KCTD16: variants seen among roughly 807,000 people sequenced by gnomAD.
KCTD16 encodes potassium channel tetramerization domain containing 16, also known as BTB/POZ domain-containing protein KCTD16.
Under a neutral mutation model 33.2 loss-of-function variants are expected in KCTD16, and 13 were observed. That is an observed-to-expected ratio of 0.39 (90% CI 0.25 to 0.62). The LOEUF (loss-of-function observed/expected upper bound fraction) is 0.62. Ranked by LOEUF, KCTD16 falls within the 20% of genes least tolerant of loss-of-function variation. The pLI is 0.50. For missense variants in KCTD16, 441 were observed against 525.1 expected (o/e 0.84, Z 1.57); for synonymous variants, 197 against 195.3 (o/e 1.01, Z -0.07).
intron 3 of KCTD16, among the ~76,000 whole-genome samples, chr5:144,428,527 C>T (rs981336481): frequency 2.0e-5 from 3 of 152,186 alleles, no homozygotes; most frequent in Non-Finnish European, 2.9e-5. Context: ...CAGGGTGTTG[C>T]AGGAACCATG....
chr5:144,201,069 C>G (rs1753035798), intron 2 of KCTD16, among the ~76,000 whole-genome samples: 1 of 152,116 alleles, frequency 6.6e-6, no homozygotes, highest in South Asian at 2.1e-4. Context: ...ATTTTTTCCC[C>G]CATTGGTAGG....
chr5:144,201,518 G>A (rs1753044925), intron 2 of KCTD16, among the ~76,000 whole-genome samples: 2 of 152,170 alleles, frequency 1.3e-5, no homozygotes, highest in South Asian at 2.1e-4. Flanking sequence ...TAAACCACTA[G>A]CATGAACACT....
At chr5:144,382,621 T>C (rs187900444) in intron 3 of KCTD16, among the ~76,000 whole-genome samples, 2 of 152,300 alleles carry the variant, frequency 1.3e-5, no homozygotes, top group Admixed American at 1.3e-4. Context: ...TGGAAATTTG[T>C]TTTATTCATA....
Position 144,388,065 on chromosome 5 carries a change from G to GTTTTTTTTTTTTTTT in KCTD16, c.833-85579_833-85565dup, listed in dbSNP as rs397999492. 4.6e-4 allele frequency among the ~76,000 whole-genome samples: 34 copies of GTTTTTTTTTTTTTTT among 73,662 alleles called. 5 individuals are homozygous for GTTTTTTTTTTTTTTT. The highest frequency in any genetic ancestry group is 2.0e-3 in the African/African-American group (32 of 16,102). 48.3% of individuals were successfully genotyped at this position (73,662 alleles called of 152,430 possible). A position where few individuals can be genotyped will look rare whatever the true frequency, so the allele number is the denominator to read the frequency against. ...AATCCAGAGTTCAATTTTAGAGCAAGTTTTTTTTTTTTTTTTTTTTTTTTT... is the reference window on the plus strand; with the variant it reads ...AATCCAGAGTTCAATTTTAGAGCAAGTTTTTTTTTTTTTTTTTTTTTTTTTTTTTTTTTTTTTTTT... On this transcript the variant is annotated intron_variant, in intron 3 of 3. Coordinates refer to ENST00000512467, the MANE Select transcript of KCTD16 (RefSeq NM_020768.4).
intron 3 of KCTD16, among the ~76,000 whole-genome samples, chr5:144,314,194 A>G (rs1751844639): frequency 6.6e-6 from 1 of 152,214 alleles, no homozygotes; most frequent in Non-Finnish European, 1.5e-5. Flanking sequence ...GCACGAGATC[A>G]ATACAAATAT....
chr5:144,266,782 A>T (rs1162385331), intron 3 of KCTD16, among the ~76,000 whole-genome samples: 12 of 149,598 alleles, frequency 8.0e-5, no homozygotes, highest in Admixed American at 6.7e-4. Flanking sequence ...CAAGATTTCT[A>T]TTTTTTTTTT....
At chr5:144,191,493 A>G (rs1752841311) in intron 2 of KCTD16, among the ~76,000 whole-genome samples, 1 of 152,000 alleles carries the variant, frequency 6.6e-6, no homozygotes, top group Non-Finnish European at 1.5e-5. Context: ...TTTCCCTTCT[A>G]CATAGAACCT....
chr5:144,441,246 G>A (rs1009041351), intron 3 of KCTD16, among the ~76,000 whole-genome samples: 3 of 151,962 alleles, frequency 2.0e-5, no homozygotes, highest in Non-Finnish European at 4.4e-5. Context: ...ATCATTTGCA[G>A]CACAAAGTTG....
At chr5:144,463,448 C>G (rs558011800) in intron 3 of KCTD16, among the ~76,000 whole-genome samples, 59 of 131,174 alleles carry the variant, frequency 4.5e-4, no homozygotes, top group Middle Eastern at 3.8e-3. Flanking sequence ...ATTTTCTAGG[C>G]ACTGTCATCA....
chr5:144,438,873 T>TAAGCCAAA (rs1753637601), intron 3 of KCTD16, among the ~76,000 whole-genome samples: 1 of 152,202 alleles, frequency 6.6e-6, no homozygotes. Context: ...CATGTTGATC[T>TAAGCCAAA]AAGCCAAAAA....
intron 3 of KCTD16, among the ~76,000 whole-genome samples, chr5:144,460,131 C>T (rs999656220): frequency 2.6e-5 from 4 of 152,130 alleles, no homozygotes; most frequent in African/African-American, 9.7e-5. Context: ...CGCACCCGGC[C>T]TCCAATCTTA....
At chr5:144,185,125 A>G (rs1375782960) in intron 2 of KCTD16, among the ~76,000 whole-genome samples, 1 of 152,232 alleles carries the variant, frequency 6.6e-6, no homozygotes, top group Non-Finnish European at 1.5e-5. Flanking sequence ...AGACAGAGGC[A>G]GAGAGAGGTA....
chr5:144,210,673 A>G (rs2126793596), intron 3 of KCTD16, among the ~76,000 whole-genome samples: 1 of 152,264 alleles, frequency 6.6e-6, no homozygotes. Context: ...CTAGATACTC[A>G]ATAACAATTC....
chr5:144,377,678 CA>C (rs1752123168), intron 3 of KCTD16: 1 of 152,160 alleles, frequency 6.6e-6, no homozygotes. Context: ...AAAAATCCAT[CA>C]GCCAAGAATG....
intron 3 of KCTD16, among the ~76,000 whole-genome samples, chr5:144,273,426 A>G (rs190897438): frequency 1.3e-3 from 193 of 152,312 alleles, no homozygotes; most frequent in African/African-American, 4.4e-3. Context: ...TTCATCAAAA[A>G]TTAAAAATAG....
intron 3 of KCTD16, among the ~76,000 whole-genome samples, chr5:144,417,241 G>C (rs543792571): frequency 7.9e-5 from 12 of 152,200 alleles, no homozygotes; most frequent in African/African-American, 2.9e-4. Context: ...CCAATGTGGA[G>C]AGTTCTAATT....
At chr5:144,363,342 A>C (rs1561580965) in intron 3 of KCTD16, among the ~76,000 whole-genome samples, 1 of 151,192 alleles carries the variant, frequency 6.6e-6, no homozygotes, top group Non-Finnish European at 1.5e-5. Flanking sequence ...ACTCTGTCTC[A>C]ATTTTTTTTT....
rs1204129192 is a variant in KCTD16 at position 144,477,074 on chromosome 5, A to G, written c.*2960A>G. ...AGTGAGCTTTGGGAGATCATTCCCT[A>G]AAGGTATGTGGGTTGTCTGAAGTCA... On this transcript the variant is annotated 3_prime_UTR_variant, in exon 4 of 4. Coordinates refer to ENST00000512467, the MANE Select transcript of KCTD16 (RefSeq NM_020768.4). The G allele has an allele frequency of 6.6e-6, 1 of 152,072 alleles. No homozygotes were observed. The highest frequency in any genetic ancestry group is 1.5e-5 in the Non-Finnish European group (1 of 67,984). 9.4% of individuals were successfully genotyped at this position (152,072 alleles called of 1,614,324 possible).
At chr5:144,191,946 C>A (rs1321737626) in intron 2 of KCTD16, among the ~76,000 whole-genome samples, 1 of 151,780 alleles carries the variant, frequency 6.6e-6, no homozygotes, top group Non-Finnish European at 1.5e-5. Flanking sequence ...CTGTAAAAGG[C>A]AGAATAATTA....
Sources: allele counts gnomAD v4.1 joint callset (sites outside exome capture counted in the v4.1 genomes callset), GRCh38; gene constraint gnomAD v4.1.1; transcripts MANE v1.5; gene names NCBI Gene and HGNC (gene_info 2026-07-23, HGNC 2026-07-21).